RALGPS1: variants seen among roughly 807,000 people sequenced by gnomAD.
The protein encoded by RALGPS1 is ras-specific guanine nucleotide-releasing factor RalGPS1.
Under a neutral mutation model 78.8 loss-of-function variants are expected in RALGPS1, and 19 were observed. The observed-to-expected ratio is 0.24, with a 90% CI of 0.17 to 0.35. The LOEUF (loss-of-function observed/expected upper bound fraction) is 0.35, where lower values mean the gene tolerates loss of function less well. RALGPS1 is among the 10% of genes least tolerant of loss of function. RALGPS1 has a pLI of 1.00. For missense variants in RALGPS1, 454 were observed against 688.3 expected, an observed-to-expected ratio of 0.66 and a Z score of 3.81; for synonymous variants, 228 against 256.3, an observed-to-expected ratio of 0.89 and a Z score of 1.06.
intron 8 of RALGPS1, chr9:127,108,113 C>G (rs779672736): frequency 1.5e-5 from 25 of 1,613,118 alleles, no homozygotes; most frequent in Non-Finnish European, 2.0e-5. Context: ...GCCGAGGGCA[C>G]CCTCTGGCAG....
intron 7 of RALGPS1, among the ~76,000 whole-genome samples, chr9:127,054,735 TG>T (rs2048569878): frequency 6.6e-6 from 1 of 152,140 alleles, no homozygotes; most frequent in Non-Finnish European, 1.5e-5. Flanking sequence ...CCCAGTACTT[TG>T]GGAAGCTGGG....
intron 8 of RALGPS1, among the ~76,000 whole-genome samples, chr9:127,120,663 A>G (rs919936219): frequency 1.3e-5 from 2 of 152,230 alleles, no homozygotes; most frequent in Admixed American, 6.5e-5. Context: ...TCTACTGAAA[A>G]TACACACACA....
chr9:126,928,443 A>C (rs2035499325), intron 1 of RALGPS1, among the ~76,000 whole-genome samples: 2 of 152,186 alleles, frequency 1.3e-5, no homozygotes, highest in African/African-American at 4.8e-5. Context: ...AACAGATAGA[A>C]AGTAGAGGCA....
chr9:127,020,459 G>A (rs1242770162), intron 4 of RALGPS1, among the ~76,000 whole-genome samples: 1 of 152,196 alleles, frequency 6.6e-6, no homozygotes, highest in East Asian at 1.9e-4. Context: ...TGAGCAACAA[G>A]TTAGAGATTG....
Position 127,148,652 on chromosome 9 carries a change from G to A in RALGPS1, c.611-17417G>A, listed in dbSNP as rs1224587130. 2.0e-5 allele frequency among the ~76,000 whole-genome samples: 3 copies of A among 152,138 alleles called. No individual in the cohort carries two copies. In the East Asian group the frequency reaches 5.8e-4, roughly 29 times the overall value. On this transcript the variant is annotated intron_variant, in intron 8 of 18. Coordinates refer to ENST00000259351, the MANE Select transcript of RALGPS1 (RefSeq NM_014636.3). ...CTGAGGGTCAGCCAGTGGGGTGGGT[G>A]TTCAAACCAGGTCTCCCTACCTCCT...
chr9:127,197,672 T>G (rs964906178), intron 13 of RALGPS1, among the ~76,000 whole-genome samples: 10 of 151,964 alleles, frequency 6.6e-5, no homozygotes, highest in African/African-American at 2.2e-4. Context: ...TCAGAGGAGG[T>G]CATCCTGTTT....
intron 4 of RALGPS1, among the ~76,000 whole-genome samples, chr9:126,987,419 A>G (rs1031223481): frequency 3.9e-5 from 6 of 152,150 alleles, no homozygotes; most frequent in Admixed American, 2.6e-4. Context: ...TGCTCAGCAA[A>G]ATTTAATACT....
At chr9:127,030,659 A>G (rs1199134915) in intron 4 of RALGPS1, among the ~76,000 whole-genome samples, 4 of 151,886 alleles carry the variant, frequency 2.6e-5, no homozygotes, top group African/African-American at 9.7e-5. Context: ...ATTAATATTA[A>G]TGGGAGAAGC....
chr9:127,105,240 G>A (rs2136987534), intron 8 of RALGPS1, among the ~76,000 whole-genome samples: 1 of 152,324 alleles, frequency 6.6e-6, no homozygotes. Flanking sequence ...AAATTCTAAT[G>A]CATTCCAGTT....
chr9:127,152,020 T>A lies in RALGPS1; in HGVS notation c.611-14049T>A, dbSNP rs117075762. 1.1e-3 allele frequency among the ~76,000 whole-genome samples: 167 copies of A among 152,356 alleles called. 1 individual carries two copies. In the East Asian group the frequency reaches 0.028, roughly 25 times the overall value. On this transcript the variant is annotated intron_variant, in intron 8 of 18. Transcript: ENST00000259351. ...CCTCACTCCTTATTGTTTAATTTTT[T>A]AATTCTTCTGCCATGTTTTTAGTAT...
intron 11 of RALGPS1, among the ~76,000 whole-genome samples, chr9:127,182,571 A>G (rs969768796): frequency 6.6e-6 from 1 of 151,882 alleles, no homozygotes; most frequent in African/African-American, 2.4e-5. Context: ...CTGGGATTAC[A>G]GTCGCCCGCC....
chr9:127,213,000 C>T lies in RALGPS1; in HGVS notation c.1503C>T (p.Pro501=), dbSNP rs546637486. 118 of 1,614,162 alleles carry T rather than the reference C, an allele frequency of 7.3e-5. 1 individual carries two copies. The highest frequency in any genetic ancestry group is 1.6e-4 in the Middle Eastern group (1 of 6,062). Residue 501 remains proline (P), a synonymous_variant, in exon 17 of 19, where the codon CCC becomes CCT. Transcript: ENST00000259351. This position sits in a 1 kb window ranked among gnomAD's most constrained non-coding sequence, Gnocchi z 6.0. ...TCGTGGGCTGGATGGTGCAGCTGCCCGATGACCCCGAGCACCCAGATATCT... is the reference window on the plus strand; with the variant it reads ...TCGTGGGCTGGATGGTGCAGCTGCCTGATGACCCCGAGCACCCAGATATCT... ...VSIVGWMVQL[P]DDPEHPDIFQ...
In RALGPS1 at chr9:126,934,075, A is replaced by C. The variant is rs558355313; in HGVS notation, c.-66+19100A>C. On this transcript the variant is annotated intron_variant, in intron 1 of 18. Transcript: ENST00000259351. ...GTATCCAAAGCATGATGGGAAAGGA[A>C]AATAGTGACCACATAGGATGAATTC... Among the ~76,000 whole-genome samples, 11 of 152,324 alleles carry C rather than the reference A, an allele frequency of 7.2e-5. No individual in the cohort carries two copies. The South Asian group carries it at 1.9e-3, about 26-fold the overall frequency.
chr9:127,149,787 A>G lies in RALGPS1; in HGVS notation c.611-16282A>G, dbSNP rs531825382. 1.1e-4 allele frequency among the ~76,000 whole-genome samples: 17 copies of G among 152,374 alleles called. No individual in the cohort carries two copies. The East Asian group carries it at 3.3e-3, about 29-fold the overall frequency. ...CCTTGGCTCCTCCAACTGTGGGCCA[A>G]GAGACCTTGGGAAACTCACCCTACT... On this transcript the variant is annotated intron_variant, in intron 8 of 18. Transcript: ENST00000259351.
chr9:127,156,895 C>T (rs2058733325), intron 8 of RALGPS1, among the ~76,000 whole-genome samples: 1 of 151,960 alleles, frequency 6.6e-6, no homozygotes, highest in Non-Finnish European at 1.5e-5. Flanking sequence ...GTAATTTATT[C>T]TGTTTTAGGA....
chr9:127,215,761 G>T (rs1018027202), intron 18 of RALGPS1, among the ~76,000 whole-genome samples: 1 of 152,188 alleles, frequency 6.6e-6, no homozygotes, highest in African/African-American at 2.4e-5. Flanking sequence ...AGATGGGGGC[G>T]GGCTGAAGCC....
At chr9:126,994,546 A>G (rs1354280594) in intron 4 of RALGPS1, among the ~76,000 whole-genome samples, 1 of 147,802 alleles carries the variant, frequency 6.8e-6, no homozygotes, top group African/African-American at 2.5e-5. Flanking sequence ...GACCAAATCT[A>G]CGTCTGATTG....
At chr9:127,108,540 C>T (rs773708357) in intron 8 of RALGPS1, 2 of 1,613,360 alleles carry the variant, frequency 1.2e-6, no homozygotes, top group East Asian at 2.2e-5. Context: ...CACCCGTGAC[C>T]CGCTGCTGGG....
chr9:127,042,817 A>T (rs1251713298), intron 5 of RALGPS1, among the ~76,000 whole-genome samples: 1 of 152,232 alleles, frequency 6.6e-6, no homozygotes, highest in Non-Finnish European at 1.5e-5. Flanking sequence ...GAAGTGAGTA[A>T]GCAGAGTTGC....
Sources: allele counts gnomAD v4.1 joint callset (sites outside exome capture counted in the v4.1 genomes callset), GRCh38; gene constraint gnomAD v4.1.1; non-coding constraint Gnocchi (gnomAD v3.1); transcripts MANE v1.5; gene names NCBI Gene and HGNC (gene_info 2026-07-23, HGNC 2026-07-21).